The following SRGAP1 variants were observed in gnomAD, a reference collection of about 807,000 sequenced individuals.
The protein encoded by SRGAP1 is SLIT-ROBO Rho GTPase-activating protein 1.
A neutral mutation model predicts 121.9 loss-of-function variants in SRGAP1; 43 were observed. That is an observed-to-expected ratio of 0.35 (90% CI 0.28 to 0.46). The LOEUF is 0.46. Ranked by LOEUF, SRGAP1 falls within the 20% of genes least tolerant of loss-of-function variation. The probability of loss-of-function intolerance (pLI) is 1.00; values close to 1 mark genes in which losing one functional copy is unlikely to be tolerated. For synonymous variants in SRGAP1, 447 were observed against 485.4 expected, an observed-to-expected ratio of 0.92 and a Z score of 1.04; for missense variants, 1,102 against 1,350.9, an observed-to-expected ratio of 0.82 and a Z score of 2.89.
intron 1 of SRGAP1, among the ~76,000 whole-genome samples, chr12:63,902,701 A>C (rs2029994374): frequency 6.6e-6 from 1 of 152,244 alleles, no homozygotes; most frequent in African/African-American, 2.4e-5. Context: ...ACAAAATGAC[A>C]GCTGCATGAA....
At chr12:64,092,856 C>T (rs1178149454) in intron 12 of SRGAP1, among the ~76,000 whole-genome samples, 2 of 152,004 alleles carry the variant, frequency 1.3e-5, no homozygotes, top group Non-Finnish European at 1.5e-5. Flanking sequence ...AGAATGGCTG[C>T]TTAAGATGAT....
chr12:63,986,157 C>A (rs1197357728), intron 2 of SRGAP1, among the ~76,000 whole-genome samples: 1 of 151,588 alleles, frequency 6.6e-6, no homozygotes, highest in Admixed American at 6.6e-5. Context: ...CCTCTCTTCT[C>A]TTTTTTCTTC....
rs2037012200 is a variant in SRGAP1 at position 64,144,171 on chromosome 12, A to G, written c.*1499A>G. ...TCCATTCTCCTACTAGCAGCAGCTG[A>G]TATCACCTGTAGACCTATGAGCATT... On this transcript the variant is annotated 3_prime_UTR_variant, in exon 22 of 22. Transcript: ENST00000355086. 1 of 151,964 alleles carries G rather than the reference A, an allele frequency of 6.6e-6. No individual in the cohort carries two copies. Among genetic ancestry groups the G allele is most frequent in the Non-Finnish European group, 1.5e-5 (1 of 68,000 alleles). 9.4% of individuals were successfully genotyped at this position (151,964 alleles called of 1,614,324 possible).
At chr12:64,021,281 G>T (rs1017236276) in intron 4 of SRGAP1, among the ~76,000 whole-genome samples, 2 of 152,176 alleles carry the variant, frequency 1.3e-5, no homozygotes, top group African/African-American at 2.4e-5. Flanking sequence ...CACTAGTCAG[G>T]TCATTGCTAA....
chr12:64,122,662 G>A (rs1479719118), intron 18 of SRGAP1, among the ~76,000 whole-genome samples: 5 of 152,182 alleles, frequency 3.3e-5, no homozygotes, highest in Non-Finnish European at 5.9e-5. Context: ...CACTTTGGGA[G>A]GCCGAGGTGG....
intron 1 of SRGAP1, among the ~76,000 whole-genome samples, chr12:63,868,137 A>G (rs1899725973): frequency 7.7e-6 from 1 of 130,700 alleles, no homozygotes; most frequent in Admixed American, 9.3e-5. Flanking sequence ...GCTGGAGTGC[A>G]CTGGCACGAT....
intron 1 of SRGAP1, among the ~76,000 whole-genome samples, chr12:63,857,636 G>A (rs1348016628): frequency 6.6e-6 from 1 of 152,060 alleles, no homozygotes; most frequent in Non-Finnish European, 1.5e-5. Flanking sequence ...CACCCGCCTT[G>A]GCCTCCCAAA....
intron 1 of SRGAP1, among the ~76,000 whole-genome samples, chr12:63,861,097 CAGTT>C (rs1899430194): frequency 6.7e-6 from 1 of 149,956 alleles, no homozygotes; most frequent in Non-Finnish European, 1.5e-5. Flanking sequence ...TTTAATTTCT[CAGTT>C]ATTATTTTTC....
intron 6 of SRGAP1, among the ~76,000 whole-genome samples, chr12:64,053,799 G>A (rs1161872852): frequency 6.6e-6 from 1 of 152,102 alleles, no homozygotes; most frequent in East Asian, 1.9e-4. Context: ...TAAGAATTAG[G>A]ATGTGTTACA....
intron 15 of SRGAP1, among the ~76,000 whole-genome samples, chr12:64,101,306 G>GC (rs1491351507): frequency 9.5e-4 from 107 of 112,340 alleles, no homozygotes; most frequent in African/African-American, 3.7e-3. Context: ...TTTGGGGAAA[G>GC]GGGTGTGTGT....
At chr12:64,095,023 T>A in intron 13 of SRGAP1, 31 bp downstream of exon 13, 1 of 1,612,778 alleles carries the variant, frequency 6.2e-7, no homozygotes, top group Non-Finnish European at 8.5e-7. Context: ...TTCTTATTTT[T>A]TAAAAAATCA....
chr12:63,902,979 A>G (rs962332102), intron 1 of SRGAP1, among the ~76,000 whole-genome samples: 10 of 152,292 alleles, frequency 6.6e-5, no homozygotes, highest in African/African-American at 2.4e-4. Flanking sequence ...ATCTATGTAT[A>G]ATGTAACAGA....
chr12:64,095,284 T>G (rs989269272), intron 14 of SRGAP1, 80 bp downstream of exon 14: 1 of 1,257,186 alleles, frequency 8.0e-7, no homozygotes, highest in Non-Finnish European at 1.1e-6. Flanking sequence ...ACCCTTATTC[T>G]GTATATCCTC....
chr12:64,074,482 C>G (rs1301230575), intron 8 of SRGAP1, among the ~76,000 whole-genome samples: 1 of 152,146 alleles, frequency 6.6e-6, no homozygotes, highest in African/African-American at 2.4e-5. Context: ...GCTATGCACT[C>G]CTACTTCTCA....
chr12:64,111,763 C>G lies in SRGAP1; in HGVS notation c.1921C>G (p.Leu641Val). Residue 641 changes from leucine (L) to valine (V), a missense_variant and splice_region_variant, in exon 17 of 22, where the codon CTA becomes GTA. Around this residue, in one of 3 missense-constraint regions of SRGAP1, gnomAD observed 747 missense variants for 929.4 expected, o/e 0.80. Transcript: ENST00000355086. ...CTCCTTTCTTGTTTCCTTTTGTAGT[C>G]TATCACAGTACAGCGATGAGAATAT... Reference protein sequence around the residue: ...MRYLFAFLNHLSQYSDENMMD... With the variant: ...MRYLFAFLNHVSQYSDENMMD... 2 of 1,594,474 alleles carry G rather than the reference C, an allele frequency of 1.3e-6. No individual in the cohort carries two copies. The highest frequency in any genetic ancestry group is 1.7e-6 in the Non-Finnish European group (2 of 1,166,366).
chr12:63,952,318 G>T (rs893851788), intron 1 of SRGAP1, among the ~76,000 whole-genome samples: 1 of 152,130 alleles, frequency 6.6e-6, no homozygotes, highest in African/African-American at 2.4e-5. Context: ...TTGAGACTAG[G>T]CTGGGCAACG....
intron 3 of SRGAP1, among the ~76,000 whole-genome samples, chr12:64,014,761 G>T (rs914565081): frequency 6.4e-5 from 3 of 47,180 alleles, no homozygotes; most frequent in African/African-American, 3.1e-4. Flanking sequence ...AAGGGAATTT[G>T]TTGTTGTTGT....
intron 21 of SRGAP1, among the ~76,000 whole-genome samples, chr12:64,134,774 C>A (rs2036834727): frequency 6.6e-6 from 1 of 152,198 alleles, no homozygotes; most frequent in African/African-American, 2.4e-5. Flanking sequence ...GTTCCATCTA[C>A]CATTATCCCA....
chr12:63,916,231 C>T (rs1192944640), intron 1 of SRGAP1, among the ~76,000 whole-genome samples: 1 of 151,892 alleles, frequency 6.6e-6, no homozygotes, highest in Non-Finnish European at 1.5e-5. Context: ...CACCATGTTG[C>T]CCAGGCTGGT....
Sources: gnomAD v4.1 joint callset for allele counts (sites outside exome capture counted in the v4.1 genomes callset) on GRCh38, gnomAD v4.1.1 for gene constraint, gnomAD v4.1.1 regional missense constraint, MANE v1.5 for transcripts, NCBI Gene and HGNC (gene_info 2026-07-23, HGNC 2026-07-21) for gene names.